FANCC: variants seen among roughly 807,000 people sequenced by gnomAD.
FANCC encodes the protein Fanconi anemia group C protein.
FANCC carries 55 observed loss-of-function variants against 71.3 expected under a neutral mutation model. The observed-to-expected ratio is 0.77, with a 90% CI of 0.62 to 0.97. The LOEUF is 0.97. FANCC is among the 50% of genes least tolerant of loss of function. The pLI is 0.00. For missense variants in FANCC, 678 were observed against 670.9 expected, an observed-to-expected ratio of 1.01 and a Z score of -0.12; for synonymous variants, 275 against 244.9, an observed-to-expected ratio of 1.12 and a Z score of -1.15.
chr9:95,244,703 A>C (rs1042107950), intron 3 of FANCC, among the ~76,000 whole-genome samples: 1 of 149,936 alleles, frequency 6.7e-6, no homozygotes, highest in Non-Finnish European at 1.5e-5. Flanking sequence ...AAAAAAAAAA[A>C]AAAAAAAAAA....
chr9:95,153,938 C>G (rs1006635335), intron 6 of FANCC, among the ~76,000 whole-genome samples: 1 of 152,082 alleles, frequency 6.6e-6, no homozygotes, highest in Non-Finnish European at 1.5e-5. Flanking sequence ...TCAATACAAA[C>G]TATAACATCA....
chr9:95,215,526 G>T (rs561357581), intron 4 of FANCC, among the ~76,000 whole-genome samples: 1 of 152,194 alleles, frequency 6.6e-6, no homozygotes, highest in African/African-American at 2.4e-5. Context: ...TCCTCCCCCC[G>T]AAAGGTGGGG....
chr9:95,269,328 C>G (rs1266854236), intron 1 of FANCC, among the ~76,000 whole-genome samples: 2 of 152,106 alleles, frequency 1.3e-5, no homozygotes, highest in Non-Finnish European at 2.9e-5. Flanking sequence ...AATTTTAAAC[C>G]CTATGAGGCA....
intron 10 of FANCC, among the ~76,000 whole-genome samples, chr9:95,123,163 C>T (rs892762399): frequency 2.6e-5 from 4 of 151,864 alleles, no homozygotes; most frequent in Non-Finnish European, 4.4e-5. Flanking sequence ...ATTAGCTGGG[C>T]GTGGTGGCTT....
chr9:95,203,585 C>A (rs1827936912), intron 4 of FANCC, among the ~76,000 whole-genome samples: 1 of 152,008 alleles, frequency 6.6e-6, no homozygotes, highest in South Asian at 2.1e-4. Context: ...GATCCCAAAG[C>A]ACTTTTTATT....
chr9:95,129,113 G>A (rs1269583319), intron 8 of FANCC, among the ~76,000 whole-genome samples: 1 of 152,034 alleles, frequency 6.6e-6, no homozygotes, highest in African/African-American at 2.4e-5. Flanking sequence ...GTGTTGGCCA[G>A]GATGGTCTCG....
intron 8 of FANCC, among the ~76,000 whole-genome samples, chr9:95,135,106 T>C (rs1285470136): frequency 6.6e-6 from 1 of 152,232 alleles, no homozygotes; most frequent in East Asian, 1.9e-4. Flanking sequence ...TCAATTCTTG[T>C]GAACATGTGA....
intron 1 of FANCC, chr9:95,292,494 G>C (rs933170488): frequency 1.4e-6 from 2 of 1,415,304 alleles, no homozygotes; most frequent in African/African-American, 3.0e-5. Flanking sequence ...GCGGCCCGCG[G>C]GGGTGACGCA....
chr9:95,282,179 T>C (rs1389372722), intron 1 of FANCC, among the ~76,000 whole-genome samples: 1 of 151,768 alleles, frequency 6.6e-6, no homozygotes, highest in African/African-American at 2.4e-5. Flanking sequence ...GCCTCACCTA[T>C]AAGGATACAC....
chr9:95,271,179 C>T (rs1564815367), intron 1 of FANCC, among the ~76,000 whole-genome samples: 1 of 152,190 alleles, frequency 6.6e-6, no homozygotes, highest in Non-Finnish European at 1.5e-5. Flanking sequence ...GAACATCTAC[C>T]AAGCACAGGA....
rs181644326 is a variant in FANCC, at chr9:95,240,157, G to A, written c.345+492C>T. 1.5e-3 allele frequency among the ~76,000 whole-genome samples: 222 copies of A among 152,288 alleles called. 2 individuals carry two copies. The highest frequency in any genetic ancestry group is 5.1e-3 in the African/African-American group (212 of 41,560). On this transcript the variant is annotated intron_variant, in intron 4 of 14. Transcript: ENST00000289081. ...AGTGTGAGTGAGCAGCAGAGGCTGC[G>A]CAGCACCAAGATCCAGTCTGTGCAT...
chr9:95,118,785 G>A (rs2072639927), intron 10 of FANCC, among the ~76,000 whole-genome samples: 1 of 152,198 alleles, frequency 6.6e-6, no homozygotes, highest in Admixed American at 6.5e-5. Flanking sequence ...TGAATTGTAT[G>A]AATATGCCAT....
At chr9:95,308,087 T>C (rs1190713444) in intron 1 of FANCC, among the ~76,000 whole-genome samples, 4 of 152,226 alleles carry the variant, frequency 2.6e-5, no homozygotes, top group Admixed American at 2.6e-4. Flanking sequence ...CATGTAGTCA[T>C]TTAGTCATAG....
intron 4 of FANCC, among the ~76,000 whole-genome samples, chr9:95,178,373 T>C (rs1185204460): frequency 6.6e-6 from 1 of 152,172 alleles, no homozygotes; most frequent in Non-Finnish European, 1.5e-5. Context: ...CAAGGGGTGG[T>C]GGAGATCCAG....
chr9:95,112,036 A>G (rs531951891), intron 12 of FANCC, among the ~76,000 whole-genome samples: 15 of 152,328 alleles, frequency 9.8e-5, no homozygotes, highest in African/African-American at 3.4e-4. Context: ...AACATGGGCT[A>G]TTTCCCTTCT....
chr9:95,240,397 CTT>C (rs1830568103), intron 4 of FANCC, among the ~76,000 whole-genome samples: 1 of 152,180 alleles, frequency 6.6e-6, no homozygotes, highest in South Asian at 2.1e-4. Flanking sequence ...CTGAAAGAAA[CTT>C]TTCAAAACCA....
chr9:95,106,930 C>T, intron 14 of FANCC, 136 bp downstream of exon 14: 1 of 854,274 alleles, frequency 1.2e-6, no homozygotes, highest in Non-Finnish European at 1.9e-6. Context: ...CAGCTGTCAA[C>T]CTCCTTGACC....
At chr9:95,315,016 A>C (rs920125984) in intron 1 of FANCC, among the ~76,000 whole-genome samples, 3 of 152,260 alleles carry the variant, frequency 2.0e-5, no homozygotes, top group African/African-American at 7.2e-5. Context: ...TTGAAAATGA[A>C]GAAAAACATT....
chr9:95,214,029 A>G (rs1359714797), intron 4 of FANCC, among the ~76,000 whole-genome samples: 1 of 152,254 alleles, frequency 6.6e-6, no homozygotes, highest in African/African-American at 2.4e-5. Flanking sequence ...ATAGCTAACA[A>G]GCACATGAAA....
Sources: gnomAD v4.1 joint callset for allele counts (sites outside exome capture counted in the v4.1 genomes callset) on GRCh38, gnomAD v4.1.1 for gene constraint, MANE v1.5 for transcripts, NCBI Gene and HGNC (gene_info 2026-07-23, HGNC 2026-07-21) for gene names.